Variants in HIBCH observed in about 807,000 individuals in gnomAD.
HIBCH encodes 3-hydroxyisobutyryl-CoA hydrolase.
HIBCH carries 50 observed loss-of-function variants against 58.2 expected under a neutral mutation model. That is an observed-to-expected ratio of 0.86 (90% CI 0.68 to 1.09). The LOEUF is 1.09. HIBCH is among the 50% of genes least tolerant of loss of function. The probability of loss-of-function intolerance (pLI) is 0.00; values close to 1 mark genes in which losing one functional copy is unlikely to be tolerated. For missense variants in HIBCH, 450 were observed against 449.7 expected (o/e 1.00, Z -0.01); for synonymous variants, 151 against 146.9 (o/e 1.03, Z -0.20).
intron 2 of HIBCH, among the ~76,000 whole-genome samples, chr2:190,309,756 T>G (rs1688511409): frequency 6.6e-6 from 1 of 151,974 alleles, no homozygotes; most frequent in South Asian, 2.1e-4. Context: ...AGATGGGGTT[T>G]CACAGTCTTA....
chr2:190,262,163 C>CCAAAAAAA (rs1346265904), intron 6 of HIBCH, among the ~76,000 whole-genome samples: 1 of 91,948 alleles, frequency 1.1e-5, no homozygotes, highest in African/African-American at 3.9e-5. Flanking sequence ...GCGGTAGAGA[C>CCAAAAAAA]AAAAAAAAAA....
chr2:190,193,736 G>C (rs368554156), intron 1 of HIBCH, among the ~76,000 whole-genome samples: 8 of 152,090 alleles, frequency 5.3e-5, no homozygotes, highest in Admixed American at 3.3e-4. Context: ...GTATAGAGAT[G>C]TATCTATTAG....
At chr2:190,276,019 T>A (rs1018070078) in intron 6 of HIBCH, among the ~76,000 whole-genome samples, 1 of 152,162 alleles carries the variant, frequency 6.6e-6, no homozygotes, top group African/African-American at 2.4e-5. Context: ...TTTGAAGAAC[T>A]GTAACAGGAG....
intron 11 of HIBCH, among the ~76,000 whole-genome samples, chr2:190,240,272 C>G (rs146312921): frequency 4.6e-5 from 7 of 152,262 alleles, no homozygotes; most frequent in Admixed American, 2.6e-4. Context: ...TCTAGAGTTT[C>G]TAGTTTATTT....
intron 1 of HIBCH, among the ~76,000 whole-genome samples, chr2:190,314,746 T>G (rs1229919481): frequency 1.3e-5 from 2 of 152,176 alleles, no homozygotes; most frequent in Non-Finnish European, 2.9e-5. Context: ...CCCAAAGTGC[T>G]GGGATGACAG....
At chr2:190,200,268 A>T, downstream of HIBCH, 1 of 782,770 alleles carries the variant, frequency 1.3e-6, no homozygotes. Flanking sequence ...GTCTACGATA[A>T]TGTCACTATT....
At position 190,211,715 on chromosome 2, in the gene HIBCH, A is replaced by T. The variant is rs1690515082; in HGVS notation, c.1011+1241T>A. 6.6e-6 allele frequency among the ~76,000 whole-genome samples: 1 copy of T among 152,142 alleles called. No homozygotes were observed. On this transcript the variant is annotated intron_variant, in intron 12 of 13. Transcript: ENST00000359678. The surrounding 1 kb of genome is among the most constrained non-coding windows in gnomAD (Gnocchi z 5.0). ...CTGTATGTTTTCCTTTAGAGTACTT[A>T]TCACAATTTATAATTATTTTACTTA...
At chr2:190,257,089 C>T (rs1229039162) in intron 7 of HIBCH, among the ~76,000 whole-genome samples, 2 of 151,986 alleles carry the variant, frequency 1.3e-5, no homozygotes, top group Admixed American at 1.3e-4. Context: ...CTAAGTAGCT[C>T]AATAACCACA....
At chr2:190,286,157 C>A (rs536442954) in intron 6 of HIBCH, among the ~76,000 whole-genome samples, 2 of 152,210 alleles carry the variant, frequency 1.3e-5, no homozygotes, top group Middle Eastern at 3.4e-3. Context: ...AGTCATTAAA[C>A]CCTCATGTGA....
In HIBCH at chr2:190,262,163, C is replaced by CCAA. The variant is rs1346265904; in HGVS notation, c.439-930_439-929insTTG. On this transcript the variant is annotated intron_variant, in intron 6 of 13. Transcript: ENST00000359678. ...AAGCTGGTTTTATATGCGGTAGAGA[C>CCAA]AAAAAAAAAAAAAAGAAAAGAAAAG... Among the ~76,000 whole-genome samples, 220 of 91,942 alleles carry CCAA rather than the reference C, an allele frequency of 2.4e-3. 1 individual carries two copies. The highest frequency in any genetic ancestry group is 7.1e-3 in the African/African-American group (182 of 25,800). The allele number at this position is 91,942 out of a possible 152,430, so 60.3% of individuals were successfully genotyped here.
Position 190,209,198 on chromosome 2 carries a change from C to A in HIBCH, c.1012-285G>T, listed in dbSNP as rs7562807. ...GCTTCACTTTGCTCTTCATCCAGCC[C>A]AATTTCACCAGTCCTTTAATATGGT... On this transcript the variant is annotated intron_variant, in intron 12 of 13. Transcript: ENST00000359678. The surrounding 1 kb of genome is among the most constrained non-coding windows in gnomAD (Gnocchi z 5.6). 6.6e-6 allele frequency among the ~76,000 whole-genome samples: 1 copy of A among 152,018 alleles called. No individual in the cohort carries two copies. Among genetic ancestry groups the A allele is most frequent in the African/African-American group, 2.4e-5 (1 of 41,366 alleles).
At chr2:190,224,412 C>T (rs1163479189) in intron 11 of HIBCH, among the ~76,000 whole-genome samples, 6 of 151,950 alleles carry the variant, frequency 3.9e-5, no homozygotes, top group Admixed American at 2.0e-4. Context: ...GAGACACACA[C>T]AGGCTTAAAA....
Position 190,196,882 on chromosome 2 carries a change from A to G in HIBCH, c.*18-6885T>C, listed in dbSNP as rs567667628. ...TCCATTCAGGATGGTATAACAAAATACCAGAGACTAGTATGGAGTATTTAG... is the reference window on the plus strand; with the variant it reads ...TCCATTCAGGATGGTATAACAAAATGCCAGAGACTAGTATGGAGTATTTAG... On this transcript the variant is annotated intron_variant, in intron 1 of 1. Transcript: ENST00000399855. Among the ~76,000 whole-genome samples the G allele has an allele frequency of 5.3e-5, 8 of 152,304 alleles. No individual in the cohort carries two copies. In the South Asian group the frequency reaches 1.7e-3, roughly 32 times the overall value.
At chr2:190,192,733 C>T (rs1185575964) in intron 1 of HIBCH, among the ~76,000 whole-genome samples, 2 of 152,054 alleles carry the variant, frequency 1.3e-5, no homozygotes, top group African/African-American at 4.8e-5. Context: ...ATACAAAATG[C>T]AGTTTTCCTT....
At chr2:190,303,300 T>C (rs1328524462) in intron 2 of HIBCH, among the ~76,000 whole-genome samples, 1 of 151,830 alleles carries the variant, frequency 6.6e-6, no homozygotes, top group Admixed American at 6.6e-5. Context: ...ACTCCCAGAG[T>C]CTAGATCTTG....
At chr2:190,219,205 T>C (rs781208893) in intron 11 of HIBCH, among the ~76,000 whole-genome samples, 28 of 151,912 alleles carry the variant, frequency 1.8e-4, no homozygotes, top group East Asian at 5.8e-4. Flanking sequence ...ATTAACTCAA[T>C]AGAAGTCCCT....
chr2:190,309,386 T>C (rs1688499825), intron 2 of HIBCH, among the ~76,000 whole-genome samples: 1 of 152,178 alleles, frequency 6.6e-6, no homozygotes, highest in East Asian at 1.9e-4. Context: ...TCAGATGACT[T>C]GTTATTTTTA....
intron 11 of HIBCH, among the ~76,000 whole-genome samples, chr2:190,223,813 C>T (rs1316410472): frequency 6.6e-6 from 1 of 152,234 alleles, no homozygotes; most frequent in African/African-American, 2.4e-5. Flanking sequence ...CGAATAGGAA[C>T]AGCTCCAGTC....
chr2:190,257,832 G>T (rs780413300), intron 7 of HIBCH, among the ~76,000 whole-genome samples: 2 of 152,078 alleles, frequency 1.3e-5, no homozygotes, highest in Non-Finnish European at 2.9e-5. Context: ...GAACTAACCT[G>T]CAAAAACTGG....
Sources: gnomAD v4.1 joint callset for allele counts (sites outside exome capture counted in the v4.1 genomes callset) on GRCh38, gnomAD v4.1.1 for gene constraint, Gnocchi (gnomAD v3.1) non-coding constraint, MANE v1.5 for transcripts, NCBI Gene and HGNC (gene_info 2026-07-23, HGNC 2026-07-21) for gene names.